Variants in PUDP observed in about 807,000 individuals in gnomAD.
PUDP encodes pseudouridine 5'-phosphatase, also known as pseudouridine-5'-phosphatase.
PUDP carries 8 observed loss-of-function variants against 9.4 expected under a neutral mutation model. That is an observed-to-expected ratio of 0.85 (90% confidence interval 0.50 to 1.53). The LOEUF is 1.53. PUDP is among the 40% of genes most tolerant of loss of function. The pLI is 0.00. For synonymous variants in PUDP, 99 were observed against 80.7 expected, an observed-to-expected ratio of 1.23 and a Z score of -1.22; for missense variants, 188 against 189.7, an observed-to-expected ratio of 0.99 and a Z score of 0.05.
At chrX:6,723,016 C>T (rs901571928), upstream of PUDP, among the ~76,000 whole-genome samples, 14 of 110,721 alleles carry the variant, frequency 1.3e-4, no homozygotes, top group Non-Finnish European at 2.1e-4. Context: ...TGCAAATGTA[C>T]CTCATTGTGA....
chrX:7,122,933 T>G (rs1032115424), intron 1 of PUDP, among the ~76,000 whole-genome samples: 6 of 112,660 alleles, frequency 5.3e-5, no homozygotes, highest in Admixed American at 4.7e-4. Context: ...TTACTTTATT[T>G]TTTGTTCTGG....
chrX:6,886,119 A>G (rs779605274), intron 3 of PUDP, among the ~76,000 whole-genome samples: 1 of 112,237 alleles, frequency 8.9e-6, no homozygotes, highest in Non-Finnish European at 1.9e-5. Context: ...AGAAGCACCT[A>G]TGCAAATATG....
chrX:7,026,024 G>T (rs1159112368), intron 1 of PUDP, among the ~76,000 whole-genome samples: 1 of 112,348 alleles, frequency 8.9e-6, no homozygotes, highest in Non-Finnish European at 1.9e-5. Flanking sequence ...TTAGTGTGTT[G>T]GTCTCCCCCA....
intron 1 of PUDP, among the ~76,000 whole-genome samples, chrX:7,124,870 C>A (rs1362371700): frequency 3.7e-5 from 4 of 109,469 alleles, no homozygotes; most frequent in Non-Finnish European, 7.6e-5. Context: ...ATGGCGTGAA[C>A]CCAGGAGGCG....
At chrX:7,065,700 C>T (rs1930531605) in intron 3 of PUDP, among the ~76,000 whole-genome samples, 1 of 111,987 alleles carries the variant, frequency 8.9e-6, no homozygotes, top group African/African-American at 3.3e-5. Context: ...TACAACATGT[C>T]CAGGGGTGGG....
At chrX:6,816,048 A>G (rs1031399099) in intron 3 of PUDP, among the ~76,000 whole-genome samples, 3 of 106,960 alleles carry the variant, frequency 2.8e-5, no homozygotes, top group Non-Finnish European at 5.7e-5. Flanking sequence ...TAGTATATAC[A>G]TACATATATA....
intron 2 of PUDP, among the ~76,000 whole-genome samples, chrX:7,078,871 AGTGT>A (rs1009921055): frequency 1.8e-5 from 2 of 111,607 alleles, no homozygotes; most frequent in African/African-American, 6.5e-5. Flanking sequence ...TAGAATTCAT[AGTGT>A]CTAACATTCA....
intron 1 of PUDP, among the ~76,000 whole-genome samples, chrX:7,143,946 T>C (rs181048700): frequency 9.0e-6 from 1 of 111,489 alleles, no homozygotes; most frequent in East Asian, 2.8e-4. Flanking sequence ...GGGTACACTG[T>C]CAGCCTCCAG....
chrX:7,056,586 T>C (rs1930249350), intron 3 of PUDP, among the ~76,000 whole-genome samples: 1 of 111,813 alleles, frequency 8.9e-6, no homozygotes, highest in Admixed American at 9.5e-5. Context: ...TCAAGAATAT[T>C]CTTGACGCAG....
intron 3 of PUDP, among the ~76,000 whole-genome samples, chrX:6,767,270 G>A (rs922789555): frequency 8.9e-6 from 1 of 112,599 alleles, no homozygotes; most frequent in Admixed American, 9.4e-5. Context: ...CAAAAGGAGA[G>A]TCAGTTCCCT....
At chrX:7,007,874 C>T (rs1433741568) in intron 1 of PUDP, among the ~76,000 whole-genome samples, 4 of 111,920 alleles carry the variant, frequency 3.6e-5, no homozygotes, top group African/African-American at 9.8e-5. Flanking sequence ...CATTCATTAA[C>T]GATTATCTTA....
intron 3 of PUDP, among the ~76,000 whole-genome samples, chrX:7,056,287 C>A (rs528670005): frequency 8.9e-6 from 1 of 111,740 alleles, no homozygotes; most frequent in African/African-American, 3.3e-5. Flanking sequence ...GAAGTGCCCA[C>A]GGCTCCCTTC....
chrX:6,891,414 T>C (rs1431805003), intron 3 of PUDP, among the ~76,000 whole-genome samples: 1 of 112,251 alleles, frequency 8.9e-6, no homozygotes, highest in Non-Finnish European at 1.9e-5. Flanking sequence ...ATGTGGTTTC[T>C]ACAATTCTCG....
intron 3 of PUDP, among the ~76,000 whole-genome samples, chrX:6,809,309 A>T: frequency 9.1e-6 from 1 of 109,679 alleles, no homozygotes; most frequent in Middle Eastern, 4.7e-3. Flanking sequence ...CTTTTTAAAA[A>T]TTTTAAGATA....
At chrX:7,077,019 T>C (rs995736294) in intron 3 of PUDP, among the ~76,000 whole-genome samples, 5 of 112,004 alleles carry the variant, frequency 4.5e-5, no homozygotes, top group Non-Finnish European at 9.4e-5. Flanking sequence ...CCTGGCCTGG[T>C]GACTTAGGTG....
chrX:7,086,663 T>C (rs1234235660), intron 2 of PUDP, among the ~76,000 whole-genome samples: 1 of 112,170 alleles, frequency 8.9e-6, no homozygotes, highest in Non-Finnish European at 1.9e-5. Flanking sequence ...TTTCTAGGCC[T>C]TCCAAATGAA....
intron 3 of PUDP, among the ~76,000 whole-genome samples, chrX:6,823,578 G>T (rs181513009): frequency 1.8e-5 from 2 of 112,666 alleles, no homozygotes; most frequent in Admixed American, 1.9e-4. Flanking sequence ...CACCAAGAGA[G>T]GGTTCTTGTA....
chrX:6,924,092 G>A lies in PUDP; in HGVS notation c.*247+53041C>T, dbSNP rs756745036. On this transcript the variant is annotated intron_variant and NMD_transcript_variant, in intron 3 of 3. Coordinates refer to the PUDP transcript ENST00000655425. ...ATCTAAGGGAGCCCTTCCCAGACAC[G>A]TTGTGCAAAATGTCAACCCCAGCCC... 1.2e-3 allele frequency among the ~76,000 whole-genome samples: 132 copies of A among 110,914 alleles called. 1 individual carries two copies. The highest frequency in any genetic ancestry group is 4.0e-3 in the African/African-American group (121 of 30,523).
chrX:7,057,569 G>A, intron 3 of PUDP: 2 of 969,915 alleles, frequency 2.1e-6, no homozygotes, highest in Non-Finnish European at 2.7e-6. Flanking sequence ...TTTCTGATGT[G>A]GTGGGTCTTG....
Sources: gnomAD v4.1 joint callset for allele counts (sites outside exome capture counted in the v4.1 genomes callset) on GRCh38, gnomAD v4.1.1 for gene constraint, MANE v1.5 for transcripts, NCBI Gene and HGNC (gene_info 2026-07-23, HGNC 2026-07-21) for gene names.